The following PTCH1 variants were observed in gnomAD, a reference collection of about 807,000 sequenced individuals.
The protein encoded by PTCH1 is protein patched homolog 1.
PTCH1 carries 14 observed loss-of-function variants against 144.6 expected under a neutral mutation model. That is an observed-to-expected ratio of 0.10 (90% CI 0.06 to 0.15). The LOEUF is 0.15. Ranked by LOEUF, PTCH1 falls within the 10% of genes least tolerant of loss-of-function variation. The probability of loss-of-function intolerance (pLI) is 1.00; values close to 1 mark genes in which losing one functional copy is unlikely to be tolerated. For synonymous variants in PTCH1, 833 were observed against 793.6 expected (o/e 1.05, Z -0.83); for missense variants, 1,623 against 1,948.3 (o/e 0.83, Z 3.14).
Position 95,480,454 on chromosome 9 carries a change from C to T in PTCH1, c.881G>A (p.Arg294His), listed in dbSNP as rs878853859. The change falls in exon 6 of 24, where the codon CGC becomes CAC. Residue 294 changes from arginine (R) to histidine (H), a missense_variant. Around this residue, in one of 7 missense-constraint regions of PTCH1, gnomAD observed 230 missense variants for 271.0 expected, o/e 0.85. Transcript: ENST00000331920. Reference protein sequence around the residue: ...KAEVGHGYMDRPCLNPADPDC... With the variant: ...KAEVGHGYMDHPCLNPADPDC... ...TGGATCGGCCGGATTGAGGCAGGGGCGGTCCATGTAACCATGACCAACCTC... is the reference window on the plus strand; with the variant it reads ...TGGATCGGCCGGATTGAGGCAGGGGTGGTCCATGTAACCATGACCAACCTC... 7 of 1,610,084 alleles carry T rather than the reference C, an allele frequency of 4.3e-6. No homozygotes were observed. The highest frequency in any genetic ancestry group is 2.1e-4 in the Middle Eastern group (1 of 4,806).
In PTCH1 at chr9:95,454,363, A is replaced by G. The variant is rs16909877; in HGVS notation, c.3307-743T>C. Among the ~76,000 whole-genome samples the G allele has an allele frequency of 7.1e-3, 1,079 of 152,332 alleles. 14 individuals are homozygous for G. Among genetic ancestry groups the G allele is most frequent in the East Asian group, 0.031 (161 of 5,192 alleles). On this transcript the variant is annotated intron_variant, in intron 19 of 23. Transcript: ENST00000331920. ...CTCTCTGAAGTTCAGGCTGCTCTGG[A>G]TTATGCCGAGAGGAGAGGGCTGGGT...
At chr9:95,499,145 T>C (rs1435946785) in intron 2 of PTCH1, among the ~76,000 whole-genome samples, 2 of 151,984 alleles carry the variant, frequency 1.3e-5, no homozygotes, top group African/African-American at 4.8e-5. Flanking sequence ...TCTCTGGCGG[T>C]GTGGTATGGG....
exon 1 of PTCH1, chr9:95,516,526 C>G: frequency 6.5e-7 from 1 of 1,542,404 alleles, no homozygotes; most frequent in Non-Finnish European, 8.7e-7. Flanking sequence ...GGACGCTGGG[C>G]TTGGATTTCA....
At chr9:95,453,280 C>T in intron 20 of PTCH1, 198 bp downstream of exon 20, 2 of 672,754 alleles carry the variant, frequency 3.0e-6, no homozygotes, top group South Asian at 1.7e-5. Flanking sequence ...TACAGGCACC[C>T]ACCACCACGC....
chr9:95,466,672 G>A (rs1441052041), intron 15 of PTCH1, among the ~76,000 whole-genome samples: 2 of 152,144 alleles, frequency 1.3e-5, no homozygotes, highest in Admixed American at 1.3e-4. Context: ...TTAAAGAGAT[G>A]GTCAAAATAT....
At chr9:95,485,531 G>GA (rs1841892652) in intron 3 of PTCH1, among the ~76,000 whole-genome samples, 154 bp downstream of exon 3, 1 of 152,100 alleles carries the variant, frequency 6.6e-6, no homozygotes. Flanking sequence ...AAATCAAGAT[G>GA]AAAAAAATCC....
rs374907800 is a variant in PTCH1 at position 95,453,471 on chromosome 9, T to A, written c.3449+7A>T. On this transcript the variant is annotated splice_region_variant and intron_variant, in intron 20 of 23. Transcript: ENST00000331920. ...TAAAACATGTCTCCTTGCACACGCC[T>A]GCTTACCTGACAATGAAGTCGAACT... is the stretch of plus-strand genomic sequence containing the variant. 14 of 1,613,906 alleles carry A rather than the reference T, an allele frequency of 8.7e-6. No homozygotes were observed. The highest frequency in any genetic ancestry group is 1.3e-5 in the African/African-American group (1 of 74,934).
chr9:95,461,817 A>C (rs1279805054), intron 16 of PTCH1, 39 bp downstream of exon 16: 1 of 1,613,024 alleles, frequency 6.2e-7, no homozygotes, highest in Non-Finnish European at 8.5e-7. Context: ...GCGGCCCCGC[A>C]GCCCTGGAAG....
chr9:95,498,227 C>T (rs1179679428), intron 2 of PTCH1, among the ~76,000 whole-genome samples: 1 of 152,176 alleles, frequency 6.6e-6, no homozygotes, highest in Non-Finnish European at 1.5e-5. Context: ...ATAAATAAAG[C>T]TTGCGCTGTG....
rs55675549 is a variant in PTCH1, at chr9:95,478,967, C to T, written c.1215+33G>A. 323 of 1,613,924 alleles carry T rather than the reference C, an allele frequency of 2.0e-4. 2 individuals are homozygous for T. In the East Asian group the frequency reaches 6.2e-3, roughly 31 times the overall value. ...TGAAAATGAAGAATTGCATAACCAG[C>T]GAGTCTGCACGCCGATTCGAAGGTG... On this transcript the variant is annotated intron_variant, in intron 8 of 23. Coordinates refer to ENST00000331920, the MANE Select transcript of PTCH1 (RefSeq NM_000264.5).
At chr9:95,507,497 G>A in intron 1 of PTCH1, 1 of 956,442 alleles carries the variant, frequency 1.0e-6, no homozygotes, top group Non-Finnish European at 1.2e-6. Context: ...CGAATTTAAG[G>A]TGGCAATTTG....
At position 95,506,486 on chromosome 9, in the gene PTCH1, G is replaced by A. The variant is rs1060504542; in HGVS notation, c.315C>T (p.Gly105=). ...QKNCGKFLVV[G]LLIFGAFAVG... is the part of the protein sequence containing the mutation. ...CCGCGAAGGCCCCAAATATGAGGAGGCCCACAACCAAGAACTTGCCGCAGT... is the reference window on the plus strand; with the variant it reads ...CCGCGAAGGCCCCAAATATGAGGAGACCCACAACCAAGAACTTGCCGCAGT... Residue 105 remains glycine, a synonymous_variant, in exon 2 of 24, where the codon GGC becomes GGT. Transcript: ENST00000331920. 1 of 1,613,602 alleles carries A rather than the reference G, an allele frequency of 6.2e-7. No homozygotes were observed. Among genetic ancestry groups the A allele is most frequent in the Non-Finnish European group, 8.5e-7 (1 of 1,179,768 alleles).
intron 12 of PTCH1, among the ~76,000 whole-genome samples, chr9:95,471,991 C>T (rs944085366): frequency 9.2e-5 from 14 of 152,174 alleles, no homozygotes; most frequent in African/African-American, 3.4e-4. Flanking sequence ...GAGCCGAGAT[C>T]GCACCATTGC....
chr9:95,470,069 A>G, intron 12 of PTCH1, 138 bp from the exon 13 acceptor site: 1 of 736,218 alleles, frequency 1.4e-6, no homozygotes, highest in South Asian at 1.5e-5. Context: ...GACAGATGTT[A>G]AGAGTTTCTT....
rs1454901115 is a variant in PTCH1 at position 95,476,714 on chromosome 9, AAG to A, written c.1602+43_1602+44del. The A allele has an allele frequency of 3.3e-6, 5 of 1,523,170 alleles. No individual in the cohort carries two copies. The highest frequency in any genetic ancestry group is 4.5e-6 in the Non-Finnish European group (5 of 1,104,068). 94.4% of individuals were successfully genotyped at this position (1,523,170 alleles called of 1,614,324 possible). A position where few individuals can be genotyped will look rare whatever the true frequency, so the allele number is the denominator to read the frequency against. Reference sequence around the variant, plus strand: ...AAGGACAAATACTTAGGAACAGAGGAAGCTGTGATGTCCCCAAAGCTCTCTTC... The same window carrying A: ...AAGGACAAATACTTAGGAACAGAGGACTGTGATGTCCCCAAAGCTCTCTTC... On this transcript the variant is annotated intron_variant, in intron 11 of 23. Coordinates refer to ENST00000331920, the MANE Select transcript of PTCH1 (RefSeq NM_000264.5). The surrounding 1 kb of genome is among the most constrained non-coding windows in gnomAD (Gnocchi z 4.6).
intron 1 of PTCH1, among the ~76,000 whole-genome samples, chr9:95,516,312 GC>G (rs1402265095): frequency 1.4e-4 from 20 of 146,482 alleles, no homozygotes; most frequent in African/African-American, 4.4e-4. Flanking sequence ...CGGCTCCACG[GC>G]CCCGGCGCGC....
At chr9:95,479,733 AG>A in intron 7 of PTCH1, 1 of 636,268 alleles carries the variant, frequency 1.6e-6, no homozygotes, top group Non-Finnish European at 2.7e-6. Context: ...CCCTATAGTC[AG>A]GAACTATGGT....
At position 95,482,374 on chromosome 9, in the gene PTCH1, A is replaced by G. The variant is rs796336845; in HGVS notation, c.585-171T>C. On this transcript the variant is annotated intron_variant, in intron 3 of 23. Transcript: ENST00000331920. Reference sequence around the variant, plus strand: ...AGACCCAGCAAGCTTGCTTTAATGAATAGATAATACTCAATCGTAATTAAC... The same window carrying G: ...AGACCCAGCAAGCTTGCTTTAATGAGTAGATAATACTCAATCGTAATTAAC... 41 of 644,962 alleles carry G rather than the reference A, an allele frequency of 6.4e-5. No homozygotes were observed. In the African/African-American group the frequency reaches 6.8e-4, roughly 11 times the overall value. The allele number at this position is 644,962 out of a possible 1,614,324, so 40.0% of individuals were successfully genotyped here.
At chr9:95,468,601 A>T in intron 14 of PTCH1, 150 bp downstream of exon 14, 1 of 1,040,932 alleles carries the variant, frequency 9.6e-7, no homozygotes, top group Non-Finnish European at 1.4e-6. Context: ...CTCTAAAAGC[A>T]TTGACTTTTG....
Sources: allele counts gnomAD v4.1 joint callset (sites outside exome capture counted in the v4.1 genomes callset), GRCh38; gene constraint gnomAD v4.1.1; regional missense constraint gnomAD v4.1.1; non-coding constraint Gnocchi (gnomAD v3.1); transcripts MANE v1.5; gene names NCBI Gene and HGNC (gene_info 2026-07-23, HGNC 2026-07-21).